CEP295NL: variants seen among roughly 807,000 people sequenced by gnomAD.
The protein encoded by CEP295NL is protein DDC8 homolog.
A neutral mutation model predicts 4.6 loss-of-function variants in CEP295NL; 3 were observed. That is an observed-to-expected ratio of 0.65 (90% CI 0.30 to 1.69). The LOEUF (loss-of-function observed/expected upper bound fraction) is 1.69. Ranked by LOEUF, CEP295NL falls within the 40% of genes most tolerant of loss-of-function variation. The pLI is 0.10. For synonymous variants in CEP295NL, 295 were observed against 312.2 expected (o/e 0.94, Z 0.58); for missense variants, 719 against 769.0 (o/e 0.93, Z 0.77).
At chr17:78,901,348 C>A (rs61676717) in intron 2 of CEP295NL, 13,393 of 190,456 alleles carry the variant, frequency 0.07, 552 homozygotes, top group Middle Eastern at 0.11. Flanking sequence ...CTGTCCAGAA[C>A]TGTTCAAGAC....
rs1000225238 is a variant in CEP295NL at position 78,896,407 on chromosome 17, G to A, written c.45-3948C>T. On this transcript the variant is annotated intron_variant, in intron 2 of 2. Transcript: ENST00000322630. The surrounding 1 kb of genome is among the most constrained non-coding windows in gnomAD (Gnocchi z 4.4). ...CTCCAGCCCTGCCAGACAGGACGTC[G>A]GGTGCCCTTGGCAGGACACTTGCCA... Among the ~76,000 whole-genome samples the A allele has an allele frequency of 2.0e-5, 3 of 152,136 alleles. No homozygotes were observed. The highest frequency in any genetic ancestry group is 1.9e-4 in the East Asian group (1 of 5,188).
At position 78,890,661 on chromosome 17, in the gene CEP295NL, G is replaced by A. The variant is rs189046524; in HGVS notation, c.1843C>T (p.Arg615Trp). 1,847 of 1,550,368 alleles carry A rather than the reference G, an allele frequency of 1.2e-3. 14 individuals carry two copies. In the African/African-American group the frequency reaches 0.021, roughly 17 times the overall value. Reference sequence around the variant, plus strand: ...ATTTAGCATATGTTCTGAAACTCCCGCAAGCATTTCCGGGCTTCTTCAAGA... The same window carrying A: ...ATTTAGCATATGTTCTGAAACTCCCACAAGCATTTCCGGGCTTCTTCAAGA... ...QFLEEARKCL[R>W]EFQNIC The change falls in exon 3 of 3, where the codon CGG (arginine) becomes TGG (tryptophan). Residue 615 changes from arginine to tryptophan, a missense_variant. Coordinates refer to ENST00000322630, the MANE Select transcript of CEP295NL (RefSeq NM_001243540.2).
rs2069915647 is a variant in CEP295NL, at chr17:78,892,412, G to A, written c.92C>T (p.Ala31Val). Residue 31 changes from alanine to valine, a missense_variant, in exon 3 of 3, where the codon GCG (alanine) becomes GTG (valine). By Grantham distance (64) the Ala-to-Val change is moderately conservative. Coordinates refer to ENST00000322630, the MANE Select transcript of CEP295NL (RefSeq NM_001243540.2). ...GCCAAGAGTGGAGGGTTCAAGGGGC[G>A]CCCCCGGGCCTGAGGAGCCACAGAA... is the stretch of plus-strand genomic sequence containing the variant. ...CGFCGSSGPG[A>V]PLEPSTLGSK... 7 of 1,549,608 alleles carry A rather than the reference G, an allele frequency of 4.5e-6. No homozygotes were observed. Among genetic ancestry groups the A allele is most frequent in the South Asian group, 1.2e-5 (1 of 83,994 alleles).
intron 2 of CEP295NL, among the ~76,000 whole-genome samples, chr17:78,893,363 G>A (rs1238945349): frequency 6.8e-6 from 1 of 147,122 alleles, no homozygotes; most frequent in Non-Finnish European, 1.5e-5. Flanking sequence ...GTGTGTGCAG[G>A]GGTGTGTAGG....
At chr17:78,901,191 A>G (rs1599169554) in intron 2 of CEP295NL, 1 of 154,258 alleles carries the variant, frequency 6.5e-6, no homozygotes, top group Non-Finnish European at 1.4e-5. Flanking sequence ...GCTGGATTCC[A>G]CGCACGAGGA....
chr17:78,892,320 C>T lies in CEP295NL; in HGVS notation c.184G>A (p.Ala62Thr). 5 of 1,550,654 alleles carry T rather than the reference C, an allele frequency of 3.2e-6. No homozygotes were observed. The highest frequency in any genetic ancestry group is 3.5e-6 in the Non-Finnish European group (4 of 1,147,024). The change falls in exon 3 of 3, where the codon GCC becomes ACC. Residue 62 changes from alanine (A) to threonine (T), a missense_variant. By Grantham distance (58) the Ala-to-Thr change is moderately conservative. Transcript: ENST00000322630. ...FADRNRNMDG[A>T]MWLSLCPDNE... The stretch of plus-strand genomic sequence containing the variant: ...TCAGGACAGAGGCTCAGCCACATGG[C>T]TCCATCCATGTTTCTGTTCCTGTCT...
Position 78,891,208 on chromosome 17 carries a change from G to C in CEP295NL, c.1296C>G (p.Asn432Lys), listed in dbSNP as rs562811566. 5.8e-6 allele frequency: 9 copies of C among 1,550,596 alleles called. No individual in the cohort carries two copies. Among genetic ancestry groups the C allele is most frequent in the Non-Finnish European group, 4.4e-6 (5 of 1,147,000 alleles). Residue 432 changes from asparagine (N) to lysine (K), a missense_variant, in exon 3 of 3, where the codon AAC (asparagine) becomes AAG (lysine). Physicochemically the swap from Asn to Lys is moderately conservative, Grantham distance 94. Coordinates refer to ENST00000322630, the MANE Select transcript of CEP295NL (RefSeq NM_001243540.2). This position sits in a 1 kb window ranked among gnomAD's most constrained non-coding sequence, Gnocchi z 4.5. The part of the protein sequence containing the change: ...DLKTFMGKAQ[N>K]QKYQGTVKPT... ...GCTTGACCGTGCCCTGATATTTTTG[G>C]TTCTGGGCCTTGCCCATGAACGTTT...
chr17:78,897,261 A>G (rs571766634), intron 2 of CEP295NL: 1 of 152,428 alleles, frequency 6.6e-6, no homozygotes, highest in East Asian at 1.9e-4. Context: ...GCTGCAGGAT[A>G]CCAGATCCTG....
chr17:78,898,694 A>G (rs537225933), intron 2 of CEP295NL: 1 of 152,200 alleles, frequency 6.6e-6, no homozygotes, highest in South Asian at 2.1e-4. Context: ...TTAGGCTCTG[A>G]TTCAATAGTC....
In CEP295NL at chr17:78,891,876, TG is replaced by T; in HGVS notation, c.627del (p.Thr210ArgfsTer4). ...ASPEKPQTTK[A>X]TGRMNSHLAP... ...GCCAGGTGAGAATTCATCCGACCCG[TG>T]GCTTTTGTAGTCTGTGGTTTCTCTG... On this transcript the variant is annotated frameshift_variant, in exon 3 of 3. Transcript: ENST00000322630. LOFTEE classifies it low-confidence loss of function (END_TRUNC). The surrounding 1 kb of genome is among the most constrained non-coding windows in gnomAD (Gnocchi z 4.5). 1 of 1,550,672 alleles carries T rather than the reference TG, an allele frequency of 6.4e-7. No homozygotes were observed. The highest frequency in any genetic ancestry group is 1.2e-5 in the South Asian group (1 of 84,066).
At chr17:78,893,090 G>A (rs758831380) in intron 2 of CEP295NL, among the ~76,000 whole-genome samples, 1 of 151,232 alleles carries the variant, frequency 6.6e-6, no homozygotes, top group Non-Finnish European at 1.5e-5. Flanking sequence ...CGCGTGTGCA[G>A]GGGTGTGTGT....
At chr17:78,897,274 G>C (rs2070017542) in intron 2 of CEP295NL, 1 of 152,444 alleles carries the variant, frequency 6.6e-6, no homozygotes, top group African/African-American at 2.4e-5. Flanking sequence ...AGATCCTGTG[G>C]TTCACTGTGA....
chr17:78,895,879 C>T (rs1305303288), intron 2 of CEP295NL, among the ~76,000 whole-genome samples: 1 of 152,190 alleles, frequency 6.6e-6, no homozygotes, highest in African/African-American at 2.4e-5. Flanking sequence ...TGGCTCACAC[C>T]CCTTGTCAAC....
At chr17:78,897,722 A>G (rs1054057154) in intron 2 of CEP295NL, 1 of 152,214 alleles carries the variant, frequency 6.6e-6, no homozygotes, top group Admixed American at 6.5e-5. Context: ...TCTCCTCCTC[A>G]AGGCATGAAC....
chr17:78,897,503 C>T (rs1050596158), intron 2 of CEP295NL: 1 of 152,238 alleles, frequency 6.6e-6, no homozygotes, highest in Non-Finnish European at 1.5e-5. Flanking sequence ...TGTGACGAGG[C>T]TGCTGGAGCC....
At position 78,890,858 on chromosome 17, in the gene CEP295NL, C is replaced by A; in HGVS notation, c.1646G>T (p.Arg549Leu). 1 of 1,550,602 alleles carries A rather than the reference C, an allele frequency of 6.4e-7. No individual in the cohort carries two copies. Among genetic ancestry groups the A allele is most frequent in the Non-Finnish European group, 8.7e-7 (1 of 1,147,022 alleles). The change falls in exon 3 of 3, where the codon CGA (arginine) becomes CTA (leucine). Residue 549 changes from arginine to leucine, a missense_variant. Transcript: ENST00000322630. ...EKERREQRRA[R>L]LAHLKSSSTR... ...GGAGGAGGACTTCAGATGGGCCAGT[C>A]GAGCTCTTCTTTGCTCCCTCCTCTC...
In CEP295NL at chr17:78,891,693, T is replaced by A; in HGVS notation, c.811A>T (p.Lys271Ter). ...CTCCTCCCCGCCCGAGCTGTTCCTT[T>A]CTCTTTTTCCTCCACAAGCCCGATT... ...GEIGLVEEKEKGTARAGRRQL... is the reference protein window; with the variant it reads ...GEIGLVEEKE The change falls in exon 3 of 3, where the codon AAA (lysine) becomes TAA (stop). Residue 271 changes from lysine to a stop codon, truncating the protein, a stop_gained. Coordinates refer to ENST00000322630, the MANE Select transcript of CEP295NL (RefSeq NM_001243540.2). LOFTEE classifies it low-confidence loss of function (END_TRUNC). The surrounding 1 kb of genome is among the most constrained non-coding windows in gnomAD (Gnocchi z 4.5). 4 of 1,551,086 alleles carry A rather than the reference T, an allele frequency of 2.6e-6. No individual in the cohort carries two copies. The highest frequency in any genetic ancestry group is 3.5e-6 in the Non-Finnish European group (4 of 1,147,120).
Position 78,891,442 on chromosome 17 carries a change from C to G in CEP295NL, c.1062G>C (p.Lys354Asn). The G allele has an allele frequency of 6.4e-7, 1 of 1,550,976 alleles. No individual in the cohort carries two copies. The highest frequency in any genetic ancestry group is 8.7e-7 in the Non-Finnish European group (1 of 1,147,078). Reference protein sequence around the residue: ...AFEELFNINRKLKKHLCLYLA... With the variant: ...AFEELFNINRNLKKHLCLYLA... ...GGTACAAGCACAGGTGTTTTTTCAG[C>G]TTTCTGTTTATATTAAACAACTCTT... Residue 354 changes from lysine (K) to asparagine (N), a missense_variant, in exon 3 of 3, where the codon AAG becomes AAC. Coordinates refer to ENST00000322630, the MANE Select transcript of CEP295NL (RefSeq NM_001243540.2). This position sits in a 1 kb window ranked among gnomAD's most constrained non-coding sequence, Gnocchi z 4.5.
intron 1 of CEP295NL, among the ~76,000 whole-genome samples, 176 bp from the exon 2 acceptor site, chr17:78,902,102 C>T (rs1394991162): frequency 2.6e-5 from 4 of 152,148 alleles, no homozygotes; most frequent in Admixed American, 2.0e-4. Context: ...GGCGGGGGGA[C>T]GGGGGTCCCA....
Sources: gnomAD v4.1 joint callset for allele counts (sites outside exome capture counted in the v4.1 genomes callset) on GRCh38, gnomAD v4.1.1 for gene constraint, Gnocchi (gnomAD v3.1) non-coding constraint, MANE v1.5 for transcripts, NCBI Gene and HGNC (gene_info 2026-07-23, HGNC 2026-07-21) for gene names.